The following PAPLN variants were observed in gnomAD, a reference collection of about 807,000 sequenced individuals.
The protein encoded by PAPLN is papilin, proteoglycan like sulfated glycoprotein, also known as papilin.
A neutral mutation model predicts 159.0 loss-of-function variants in PAPLN; 146 were observed. The observed-to-expected ratio is 0.92, with a 90% CI of 0.80 to 1.05. The LOEUF (loss-of-function observed/expected upper bound fraction) is 1.05. Among genes scored for constraint, PAPLN ranks in the 50% least tolerant of loss-of-function variants. The pLI, the probability that PAPLN is intolerant of heterozygous loss-of-function variation, is 0.00. For synonymous variants in PAPLN, 734 were observed against 702.9 expected, an observed-to-expected ratio of 1.04 and a Z score of -0.70; for missense variants, 1,720 against 1,743.9, an observed-to-expected ratio of 0.99 and a Z score of 0.24.
At chr14:73,240,672 G>A (rs1883447566) in intron 2 of PAPLN, among the ~76,000 whole-genome samples, 1 of 152,182 alleles carries the variant, frequency 6.6e-6, no homozygotes, top group Non-Finnish European at 1.5e-5. Context: ...TTAAGACAGT[G>A]GACCCAGGAA....
At chr14:73,262,231 T>C (rs1306604123) in intron 18 of PAPLN, 119 bp from the exon 19 acceptor site, 1 of 1,017,262 alleles carries the variant, frequency 9.8e-7, no homozygotes, top group African/African-American at 1.6e-5. Flanking sequence ...CAGACAGGGG[T>C]GTAGACATGC....
In PAPLN at chr14:73,268,698, C is replaced by T. The variant is rs773629276; in HGVS notation, c.3642C>T (p.Ser1214=). ...AYQGSQAVSR[S]TEVKVVSPAP... ...AGGGGAGCCAGGCAGTCAGCCGCAG[C>T]ACCGAGGTGAAGGTGGTCTCACCAG... Residue 1214 remains serine, a synonymous_variant, in exon 26 of 27, where the codon AGC becomes AGT. Transcript: ENST00000644200. 1.9e-6 allele frequency: 3 copies of T among 1,612,690 alleles called. No individual in the cohort carries two copies. In the African/African-American group the frequency reaches 4.0e-5, roughly 22 times the overall value.
intron 19 of PAPLN, chr14:73,263,342 C>T: frequency 1.9e-6 from 1 of 513,890 alleles, no homozygotes; most frequent in Non-Finnish European, 3.5e-6. Flanking sequence ...TTAGCCCCCA[C>T]ATGAACCTGG....
intron 23 of PAPLN, among the ~76,000 whole-genome samples, 170 bp from the exon 24 acceptor site, chr14:73,266,331 G>A (rs372406901): frequency 6.6e-6 from 1 of 152,150 alleles, no homozygotes. Context: ...TAAAGTCTGA[G>A]GCCAAATGGT....
At chr14:73,238,808 GCTGT>G (rs1414506693) in intron 1 of PAPLN, among the ~76,000 whole-genome samples, 9 of 152,342 alleles carry the variant, frequency 5.9e-5, no homozygotes, top group Admixed American at 2.0e-4. Context: ...GCTTCTGTAT[GCTGT>G]CTTTTATCCT....
Position 73,262,749 on chromosome 14 carries a change from A to G in PAPLN, c.2645A>G (p.Gln882Arg). 6.6e-7 allele frequency: 1 copy of G among 1,511,934 alleles called. No homozygotes were observed. Among genetic ancestry groups the G allele is most frequent in the Non-Finnish European group, 8.8e-7 (1 of 1,134,852 alleles). 93.7% of individuals were successfully genotyped at this position (1,511,934 alleles called of 1,614,324 possible). The stretch of plus-strand genomic sequence containing the variant: ...GCCTTTGGAGAATGGCCATGGGGGC[A>G]GGAGCTTGGGTCCAGGGCCCCTGGA... ...TQAFGEWPWG[Q>R]ELGSRAPGLG... The change falls in exon 19 of 27, where the codon CAG becomes CGG. Residue 882 changes from glutamine (Q) to arginine (R), a missense_variant. Transcript: ENST00000644200.
chr14:73,259,134 G>C (rs762452483), intron 15 of PAPLN, 75 bp downstream of exon 15: 117 of 1,540,610 alleles, frequency 7.6e-5, no homozygotes, highest in Middle Eastern at 1.7e-4. Flanking sequence ...TGGGGGTGTG[G>C]GGGTCACAGT....
In PAPLN at chr14:73,246,088, G is replaced by C; in HGVS notation, c.247G>C (p.Ala83Pro). The C allele has an allele frequency of 6.4e-7, 1 of 1,567,646 alleles. No homozygotes were observed. The highest frequency in any genetic ancestry group is 8.6e-7 in the Non-Finnish European group (1 of 1,160,676). Residue 83 changes from alanine to proline, a missense_variant, in exon 5 of 27, where the codon GCC becomes CCC. Ala to Pro is a conservative substitution (Grantham distance 27). Transcript: ENST00000644200. Reference sequence around the variant, plus strand: ...CGCCCCGCAGAGCTGCCCCGACGGCGCCCGGGACTTCCGGGCCGAGCAGTG... The same window carrying C: ...CGCCCCGCAGAGCTGCCCCGACGGCCCCCGGGACTTCCGGGCCGAGCAGTG... The part of the protein sequence containing the change: ...SCRTESCPDG[A>P]RDFRAEQCAE...
At chr14:73,244,874 C>T in intron 3 of PAPLN, 115 bp downstream of exon 3, 1 of 728,096 alleles carries the variant, frequency 1.4e-6, no homozygotes, top group Admixed American at 3.1e-5. Flanking sequence ...CAGCAGAACC[C>T]ACCAAGGAGC....
At position 73,245,572 on chromosome 14, in the gene PAPLN, G is replaced by C; in HGVS notation, c.171-64G>C. The stretch of plus-strand genomic sequence containing the variant: ...CCGCAGAAGTTGGGGCCTGCAGAGA[G>C]CCCCAGAACGGGGGCAGGGACGTTG... On this transcript the variant is annotated intron_variant, in intron 3 of 26. Transcript: ENST00000644200. The surrounding 1 kb of genome is among the most constrained non-coding windows in gnomAD (Gnocchi z 4.2). 1.3e-6 allele frequency: 2 copies of C among 1,520,488 alleles called. No homozygotes were observed. Among genetic ancestry groups the C allele is most frequent in the Non-Finnish European group, 1.8e-6 (2 of 1,126,544 alleles). 94.2% of individuals were successfully genotyped at this position (1,520,488 alleles called of 1,614,324 possible).
intron 11 of PAPLN, chr14:73,253,151 G>A (rs199908995): frequency 4.4e-4 from 605 of 1,375,228 alleles, no homozygotes; most frequent in African/African-American, 4.9e-4. Flanking sequence ...GGCTTTGTTC[G>A]TGCACAAAGG....
In PAPLN at chr14:73,270,181, C is replaced by T. The variant is rs889706978; in HGVS notation, c.3667+1458C>T. Among the ~76,000 whole-genome samples the T allele has an allele frequency of 2.0e-5, 3 of 152,342 alleles. No homozygotes were observed. In the South Asian group the frequency reaches 6.2e-4, roughly 32 times the overall value. On this transcript the variant is annotated intron_variant, in intron 26 of 26. Coordinates refer to ENST00000644200, the MANE Select transcript of PAPLN (RefSeq NM_001365906.3). Reference sequence around the variant, plus strand: ...CTGTCCGGGGCCTCGCTCGGCCCACCGTCTCGCTCCGCCCACTTGGCCGGG... The same window carrying T: ...CTGTCCGGGGCCTCGCTCGGCCCACTGTCTCGCTCCGCCCACTTGGCCGGG...
At chr14:73,270,187 G>C (rs1016857835) in intron 26 of PAPLN, among the ~76,000 whole-genome samples, 1 of 151,936 alleles carries the variant, frequency 6.6e-6, no homozygotes, top group Admixed American at 6.6e-5. Flanking sequence ...CCACCGTCTC[G>C]CTCCGCCCAC....
Position 73,251,029 on chromosome 14 carries a change from A to AG in PAPLN, c.589+1dup. On this transcript the variant is annotated frameshift_variant and splice_region_variant, in exon 7 of 27. Coordinates refer to ENST00000644200, the MANE Select transcript of PAPLN (RefSeq NM_001365906.3). LOFTEE classifies it high-confidence loss of function. Reference sequence around the variant, plus strand: ...CCTTTGACGCTAATGACCTCAGCCGAGGTGGGGGTGGTTCCGACAAGGGGC... The same window carrying AG: ...CCTTTGACGCTAATGACCTCAGCCGAGGGTGGGGGTGGTTCCGACAAGGGGC... 2 of 1,610,134 alleles carry AG rather than the reference A, an allele frequency of 1.2e-6. No individual in the cohort carries two copies. The highest frequency in any genetic ancestry group is 1.7e-6 in the Non-Finnish European group (2 of 1,178,270).
At position 73,262,710 on chromosome 14, in the gene PAPLN, C is replaced by T. The variant is rs990770263; in HGVS notation, c.2606C>T (p.Ala869Val). Residue 869 changes from alanine (A) to valine (V), a missense_variant, in exon 19 of 27, where the codon GCC becomes GTC. Coordinates refer to ENST00000644200, the MANE Select transcript of PAPLN (RefSeq NM_001365906.3). ...RQDQQPGPGE[A>V]PHTQAFGEWP... ...GACCAACAGCCTGGGCCAGGGGAGG[C>T]CCCCCACACCCAGGCCTTTGGAGAA... 2 of 1,508,178 alleles carry T rather than the reference C, an allele frequency of 1.3e-6. No individual in the cohort carries two copies. The highest frequency in any genetic ancestry group is 1.8e-6 in the Non-Finnish European group (2 of 1,130,508). The allele number at this position is 1,508,178 out of a possible 1,614,324, so 93.4% of individuals were successfully genotyped here.
rs778704277 is a variant in PAPLN, at chr14:73,254,545, G to A, written c.1335G>A (p.Lys445=). The change falls in exon 13 of 27, where the codon AAG becomes AAA. Residue 445 remains lysine (K), a synonymous_variant. Transcript: ENST00000644200. ...TCAGTTGTGGCGTTGGCGTCCGGAAGCGGAGCGTTACTTGCCGGGGTGAAA... is the reference window on the plus strand; with the variant it reads ...TCAGTTGTGGCGTTGGCGTCCGGAAACGGAGCGTTACTTGCCGGGGTGAAA... The part of the protein sequence containing the change: ...CSVSCGVGVR[K]RSVTCRGERG... The A allele has an allele frequency of 1.2e-6, 2 of 1,614,064 alleles. No homozygotes were observed. The highest frequency in any genetic ancestry group is 2.7e-5 in the African/African-American group (2 of 75,062).
At chr14:73,241,587 A>C (rs1020312288) in intron 2 of PAPLN, among the ~76,000 whole-genome samples, 4 of 152,172 alleles carry the variant, frequency 2.6e-5, no homozygotes, top group Non-Finnish European at 1.5e-5. Flanking sequence ...CCTCCCAGTG[A>C]GTCTCAGATG....
intron 5 of PAPLN, among the ~76,000 whole-genome samples, chr14:73,248,395 G>A (rs1251116411): frequency 6.6e-6 from 1 of 152,104 alleles, no homozygotes; most frequent in Non-Finnish European, 1.5e-5. Flanking sequence ...AGAAAAATTG[G>A]AACACAGGGG....
At chr14:73,255,302 C>T (rs1374006031) in intron 14 of PAPLN, among the ~76,000 whole-genome samples, 1 of 152,200 alleles carries the variant, frequency 6.6e-6, no homozygotes, top group Non-Finnish European at 1.5e-5. Flanking sequence ...AGATTCATTT[C>T]CTTGTGCTGC....
Sources: gnomAD v4.1 joint callset for allele counts (sites outside exome capture counted in the v4.1 genomes callset) on GRCh38, gnomAD v4.1.1 for gene constraint, Gnocchi (gnomAD v3.1) non-coding constraint, MANE v1.5 for transcripts, NCBI Gene and HGNC (gene_info 2026-07-23, HGNC 2026-07-21) for gene names.